CDON: variants seen among roughly 807,000 people sequenced by gnomAD.
CDON encodes cell adhesion associated, oncogene regulated.
Under a neutral mutation model 120.9 loss-of-function variants are expected in CDON, and 73 were observed. That is an observed-to-expected ratio of 0.60 (90% CI 0.50 to 0.73). The LOEUF (loss-of-function observed/expected upper bound fraction) is 0.73. CDON is among the 30% of genes least tolerant of loss of function. The pLI, the probability that CDON is intolerant of heterozygous loss-of-function variation, is 0.00. For missense variants in CDON, 1,470 were observed against 1,587.3 expected (o/e 0.93, Z 1.26); for synonymous variants, 566 against 573.5 (o/e 0.99, Z 0.19).
intron 1 of CDON, among the ~76,000 whole-genome samples, chr11:126,035,095 G>T (rs1407122439): frequency 6.6e-6 from 1 of 152,182 alleles, no homozygotes; most frequent in East Asian, 1.9e-4. Context: ...ACTAACCTAA[G>T]TATAAGAGTT....
chr11:125,993,923 C>G (rs2134517498), intron 14 of CDON, among the ~76,000 whole-genome samples: 1 of 152,340 alleles, frequency 6.6e-6, no homozygotes, highest in Middle Eastern at 3.4e-3. Flanking sequence ...CTTTCTAGGA[C>G]AGACTCCAGT....
intron 7 of CDON, among the ~76,000 whole-genome samples, chr11:126,014,638 T>C (rs1189720465): frequency 6.6e-6 from 1 of 152,164 alleles, no homozygotes; most frequent in Non-Finnish European, 1.5e-5. Flanking sequence ...CTATTTGTAA[T>C]AGCAAAAGAT....
chr11:125,963,567 A>G (rs1033087170), intron 18 of CDON, among the ~76,000 whole-genome samples: 1 of 152,200 alleles, frequency 6.6e-6, no homozygotes, highest in African/African-American at 2.4e-5. Flanking sequence ...GAAATACCAA[A>G]TCTTAAGCAT....
At chr11:126,010,747 G>T in intron 7 of CDON, 53 bp from the exon 8 acceptor site, 1 of 1,410,480 alleles carries the variant, frequency 7.1e-7, no homozygotes, top group Non-Finnish European at 1.0e-6. Flanking sequence ...TAGTACCTAC[G>T]ATGCAAAACA....
rs771173072 is a variant in CDON, at chr11:126,021,455, G to A, written c.142C>T (p.Leu48=). ...AVQKLGGPVV[L]HCSAQPVTTR... is the part of the protein sequence containing the mutation. The stretch of plus-strand genomic sequence containing the variant: ...GTCACAGGTTGAGCAGAACAATGCA[G>A]TACTACAGGTCCACCAAGTTTCTGG... Residue 48 remains leucine, a synonymous_variant, in exon 3 of 20, where the codon CTG becomes TTG. Transcript: ENST00000531738. 6.2e-7 allele frequency: 1 copy of A among 1,614,020 alleles called. No individual in the cohort carries two copies. The highest frequency in any genetic ancestry group is 8.5e-7 in the Non-Finnish European group (1 of 1,179,890).
Position 125,981,223 on chromosome 11 carries a change from T to C in CDON, c.3102A>G (p.Gly1034=). 1 of 1,614,162 alleles carries C rather than the reference T, an allele frequency of 6.2e-7. No homozygotes were observed. Among genetic ancestry groups the C allele is most frequent in the Non-Finnish European group, 8.5e-7 (1 of 1,180,038 alleles). The change falls in exon 17 of 20, where the codon GGA becomes GGG. Residue 1034 remains glycine, a synonymous_variant. Coordinates refer to ENST00000531738, the MANE Select transcript of CDON (RefSeq NM_001378964.1). ...TGAGACCGCCATTGGTTAGGAAGCC[T>C]CCGTGAACATTTCCATTTATCTGAC... The part of the protein sequence containing the change: ...GASQINGNVH[G]GFLTNGGLSS...
At chr11:125,968,625 AG>A (rs2134372621) in intron 18 of CDON, among the ~76,000 whole-genome samples, 1 of 152,360 alleles carries the variant, frequency 6.6e-6, no homozygotes, top group African/African-American at 2.4e-5. Context: ...TAAGTAAAAC[AG>A]GAAATCATAG....
At chr11:126,001,329 A>C (rs545588462) in intron 11 of CDON, among the ~76,000 whole-genome samples, 1 of 152,088 alleles carries the variant, frequency 6.6e-6, no homozygotes, top group South Asian at 2.1e-4. Context: ...CTGAGACTAC[A>C]GGTGTGTGCC....
intron 18 of CDON, among the ~76,000 whole-genome samples, chr11:125,971,382 C>CATAAA (rs1555114686): frequency 9.7e-6 from 1 of 103,182 alleles, no homozygotes; most frequent in South Asian, 3.3e-4. Flanking sequence ...GACTCTGTCT[C>CATAAA]TAAATAAATA....
At chr11:126,012,386 G>GT (rs771656152) in intron 7 of CDON, among the ~76,000 whole-genome samples, 1 of 151,888 alleles carries the variant, frequency 6.6e-6, no homozygotes, top group Non-Finnish European at 1.5e-5. Flanking sequence ...TTTGTTGCTG[G>GT]TATGCAGAAA....
At chr11:126,045,365 A>G (rs1948379700) in intron 1 of CDON, among the ~76,000 whole-genome samples, 1 of 152,204 alleles carries the variant, frequency 6.6e-6, no homozygotes, top group Admixed American at 6.5e-5. Flanking sequence ...TTTGTGGGAA[A>G]ATTGTTAAAA....
At chr11:126,031,327 G>T (rs1947937620) in intron 1 of CDON, among the ~76,000 whole-genome samples, 1 of 152,120 alleles carries the variant, frequency 6.6e-6, no homozygotes, top group Non-Finnish European at 1.5e-5. Context: ...GCAACTTTTT[G>T]CAATAATGGC....
intron 12 of CDON, 21 bp downstream of exon 12, chr11:125,997,186 G>A: frequency 6.4e-7 from 1 of 1,550,538 alleles, no homozygotes; most frequent in South Asian, 1.1e-5. Flanking sequence ...ATGGTAAAAG[G>A]AAACGTTTGA....
chr11:125,982,209 C>G (rs1174206685), intron 16 of CDON, among the ~76,000 whole-genome samples: 1 of 151,838 alleles, frequency 6.6e-6, no homozygotes, highest in Non-Finnish European at 1.5e-5. Context: ...CTCCTGACCT[C>G]GTGATCCGCC....
At chr11:125,969,423 C>CA (rs2134376524) in intron 18 of CDON, among the ~76,000 whole-genome samples, 1 of 152,300 alleles carries the variant, frequency 6.6e-6, no homozygotes, top group South Asian at 2.1e-4. Context: ...AATAAGAAAA[C>CA]AGGACAAATG....
chr11:126,004,727 C>G (rs1016490606), intron 9 of CDON, among the ~76,000 whole-genome samples: 1 of 152,104 alleles, frequency 6.6e-6, no homozygotes, highest in Admixed American at 6.6e-5. Context: ...CTTAAAATAT[C>G]ATCATATTAA....
Position 126,062,569 on chromosome 11 carries a change from A to G in CDON, c.-62+10T>C, listed in dbSNP as rs117933667. 0.41 allele frequency: 61,045 copies of G among 149,308 alleles called. 13,416 individuals carry two copies. Among genetic ancestry groups the G allele is most frequent in the African/African-American group, 0.56 (22,728 of 40,758 alleles). The allele number at this position is 149,308 out of a possible 1,614,324, so 9.2% of individuals were successfully genotyped here. On this transcript the variant is annotated intron_variant, in intron 1 of 19. Coordinates refer to ENST00000531738, the MANE Select transcript of CDON (RefSeq NM_001378964.1). The stretch of plus-strand genomic sequence containing the variant: ...CCTCCGACCCTGCGGCGGGACCCCC[A>G]CCCCCGCACCTCTCCGCGGGGCTGG...
At chr11:125,962,850 T>C (rs1945684343) in intron 18 of CDON, among the ~76,000 whole-genome samples, 1 of 152,234 alleles carries the variant, frequency 6.6e-6, no homozygotes, top group Non-Finnish European at 1.5e-5. Context: ...TCATTTATTA[T>C]GTGTATACCT....
intron 19 of CDON, among the ~76,000 whole-genome samples, chr11:125,961,332 C>G (rs1354624788): frequency 6.6e-6 from 1 of 152,114 alleles, no homozygotes; most frequent in Non-Finnish European, 1.5e-5. Flanking sequence ...AGTAAAGCAA[C>G]CCCTTAAAAG....
Sources: allele counts gnomAD v4.1 joint callset (sites outside exome capture counted in the v4.1 genomes callset), GRCh38; gene constraint gnomAD v4.1.1; transcripts MANE v1.5; gene names NCBI Gene and HGNC (gene_info 2026-07-23, HGNC 2026-07-21).